The following BABAM2 variants were observed in gnomAD, a reference collection of about 807,000 sequenced individuals.
BABAM2 encodes the protein BRISC and BRCA1 A complex member 2.
BABAM2 carries 31 observed loss-of-function variants against 54.7 expected under a neutral mutation model. That is an observed-to-expected ratio of 0.57 (90% CI 0.43 to 0.77). The LOEUF (loss-of-function observed/expected upper bound fraction) is 0.77, where lower values mean the gene tolerates loss of function less well. Ranked by LOEUF, BABAM2 falls within the 30% of genes least tolerant of loss-of-function variation. The pLI is 0.00. For missense variants in BABAM2, 364 were observed against 455.8 expected (o/e 0.80, Z 1.83); for synonymous variants, 167 against 162.9 (o/e 1.03, Z -0.19).
intron 7 of BABAM2, among the ~76,000 whole-genome samples, chr2:28,167,144 A>C (rs1673764716): frequency 6.6e-6 from 1 of 152,188 alleles, no homozygotes; most frequent in Non-Finnish European, 1.5e-5. Context: ...ACTTATGCAT[A>C]TGTTCTTCAT....
intron 3 of BABAM2, among the ~76,000 whole-genome samples, chr2:27,984,853 C>T (rs1227897295): frequency 6.6e-6 from 1 of 152,028 alleles, no homozygotes; most frequent in African/African-American, 2.4e-5. Context: ...TCCTCCCACC[C>T]TTTCCCTCGA....
intron 3 of BABAM2, among the ~76,000 whole-genome samples, chr2:27,950,515 G>A (rs557867650): frequency 2.6e-5 from 4 of 152,138 alleles, no homozygotes; most frequent in Admixed American, 6.5e-5. Flanking sequence ...TTGTTTTGAT[G>A]TAGTGTCCTT....
intron 6 of BABAM2, among the ~76,000 whole-genome samples, chr2:28,058,610 A>G (rs1678615880): frequency 6.6e-6 from 1 of 151,722 alleles, no homozygotes; most frequent in Non-Finnish European, 1.5e-5. Flanking sequence ...GCTGGGGTGC[A>G]TGGTCACTTA....
chr2:28,020,234 T>C (rs1459641588), intron 4 of BABAM2, among the ~76,000 whole-genome samples: 2 of 152,188 alleles, frequency 1.3e-5, no homozygotes, highest in Non-Finnish European at 2.9e-5. Flanking sequence ...CGTCATAAAA[T>C]GTATAAATGA....
intron 6 of BABAM2, among the ~76,000 whole-genome samples, chr2:28,081,910 T>TA (rs1344680335): frequency 1.3e-5 from 2 of 152,204 alleles, no homozygotes; most frequent in South Asian, 2.1e-4. Context: ...CAGTTTTTAA[T>TA]AAAAAACAAT....
At chr2:27,907,370 TTTTAAG>T (rs1396694971) in intron 2 of BABAM2, among the ~76,000 whole-genome samples, 1 of 152,132 alleles carries the variant, frequency 6.6e-6, no homozygotes, top group Non-Finnish European at 1.5e-5. Context: ...GATGTTCCGC[TTTTAAG>T]TAGGTGTAAT....
chr2:27,933,891 G>T (rs1413609822), intron 3 of BABAM2, among the ~76,000 whole-genome samples: 2 of 149,884 alleles, frequency 1.3e-5, no homozygotes, highest in African/African-American at 4.9e-5. Flanking sequence ...ACACCACCAT[G>T]CCCAGATCTT....
At chr2:28,174,439 T>TA (rs1483229174) in intron 7 of BABAM2, among the ~76,000 whole-genome samples, 3 of 152,182 alleles carry the variant, frequency 2.0e-5, no homozygotes, top group Non-Finnish European at 4.4e-5. Context: ...AAATAGCAAG[T>TA]AGATAATCAC....
chr2:28,318,106 TTGG>T (rs1260713356), intron 11 of BABAM2, among the ~76,000 whole-genome samples: 1 of 152,244 alleles, frequency 6.6e-6, no homozygotes, highest in Non-Finnish European at 1.5e-5. Context: ...GGCCTCTGCC[TTGG>T]TGGCCCTGAG....
At chr2:28,115,226 A>ACAC (rs1668509092) in intron 6 of BABAM2, among the ~76,000 whole-genome samples, 1 of 133,686 alleles carries the variant, frequency 7.5e-6, no homozygotes, top group African/African-American at 2.8e-5. Context: ...CACACACACA[A>ACAC]ACCAATCAAA....
intron 6 of BABAM2, among the ~76,000 whole-genome samples, chr2:28,057,617 A>T (rs572036960): frequency 6.6e-6 from 1 of 152,074 alleles, no homozygotes; most frequent in South Asian, 2.1e-4. Flanking sequence ...TGTTCTCATT[A>T]CTCCATTTTC....
At chr2:28,176,589 A>AC (rs1674994921) in intron 7 of BABAM2, among the ~76,000 whole-genome samples, 1 of 145,398 alleles carries the variant, frequency 6.9e-6, no homozygotes, top group Non-Finnish European at 1.5e-5. Flanking sequence ...AAAAAAAAAA[A>AC]AAAAAAACCT....
At chr2:28,090,188 G>C (rs1666039689) in intron 6 of BABAM2, among the ~76,000 whole-genome samples, 1 of 152,148 alleles carries the variant, frequency 6.6e-6, no homozygotes. Context: ...AAATGACAGA[G>C]TGCTTGTATT....
intron 3 of BABAM2, among the ~76,000 whole-genome samples, chr2:27,973,075 T>C (rs973711661): frequency 2.0e-5 from 3 of 152,002 alleles, no homozygotes; most frequent in Admixed American, 6.6e-5. Context: ...GTCGTAATTA[T>C]TAGCTTTAAT....
chr2:27,987,090 G>A (rs1672450669), intron 3 of BABAM2, among the ~76,000 whole-genome samples: 1 of 152,076 alleles, frequency 6.6e-6, no homozygotes, highest in South Asian at 2.1e-4. Flanking sequence ...ACACTGCTAG[G>A]CATGCCATCT....
intron 2 of BABAM2, among the ~76,000 whole-genome samples, chr2:27,924,326 T>C (rs990801274): frequency 3.9e-5 from 6 of 152,004 alleles, no homozygotes; most frequent in African/African-American, 7.2e-5. Context: ...GAGAGGAATA[T>C]ACAGATTTGG....
chr2:28,272,987 G>A (rs956098889), intron 10 of BABAM2, among the ~76,000 whole-genome samples: 2 of 152,182 alleles, frequency 1.3e-5, no homozygotes, highest in African/African-American at 4.8e-5. Context: ...CACACTGCTT[G>A]CAGCCAGTCT....
chr2:27,950,865 G>T (rs1669662349), intron 3 of BABAM2, among the ~76,000 whole-genome samples: 1 of 152,124 alleles, frequency 6.6e-6, no homozygotes, highest in Non-Finnish European at 1.5e-5. Flanking sequence ...CATCTTGAAT[G>T]AGTGTTGCTG....
At chr2:28,112,512 C>G (rs1048625028) in intron 6 of BABAM2, among the ~76,000 whole-genome samples, 1 of 151,950 alleles carries the variant, frequency 6.6e-6, no homozygotes, top group Admixed American at 6.6e-5. Context: ...CCAGCATCAT[C>G]CATGTCCCTG....
Sources: gnomAD v4.1 joint callset for allele counts (sites outside exome capture counted in the v4.1 genomes callset) on GRCh38, gnomAD v4.1.1 for gene constraint, MANE v1.5 for transcripts, NCBI Gene and HGNC (gene_info 2026-07-23, HGNC 2026-07-21) for gene names.